Variants in FLNC observed in about 807,000 individuals in gnomAD.
The protein encoded by FLNC is filamin C, also known as filamin-C.
A neutral mutation model predicts 254.3 loss-of-function variants in FLNC; 91 were observed. The observed-to-expected ratio is 0.36, with a 90% CI of 0.30 to 0.43. FLNC has a LOEUF of 0.43. Among genes scored for constraint, FLNC ranks in the 20% least tolerant of loss-of-function variants. FLNC has a pLI of 1.00. For synonymous variants in FLNC, 1,430 were observed against 1,577.2 expected, an observed-to-expected ratio of 0.91 and a Z score of 2.21; for missense variants, 2,853 against 3,802.6, an observed-to-expected ratio of 0.75 and a Z score of 6.57.
rs1024416848 is a variant in FLNC at position 128,842,082 on chromosome 7, G to A, written c.2122-149G>A. 2 of 799,192 alleles carry A rather than the reference G, an allele frequency of 2.5e-6. No homozygotes were observed. Among genetic ancestry groups the A allele is most frequent in the Non-Finnish European group, 4.1e-6 (2 of 484,810 alleles). 49.5% of individuals were successfully genotyped at this position (799,192 alleles called of 1,614,324 possible). On this transcript the variant is annotated intron_variant, in intron 13 of 47. Transcript: ENST00000325888. This position sits in a 1 kb window ranked among gnomAD's most constrained non-coding sequence, Gnocchi z 5.4. ...TGGGCTCTGGCCGCCAGAGCACGTG[G>A]CCCTGGGCTCTGGTGGCCTCAGTGG...
chr7:128,854,755 A>G lies in FLNC; in HGVS notation c.6998-20A>G, dbSNP rs1808982618. The G allele has an allele frequency of 6.2e-7, 1 of 1,613,860 alleles. No homozygotes were observed. Among genetic ancestry groups the G allele is most frequent in the African/African-American group, 1.3e-5 (1 of 74,938 alleles). On this transcript the variant is annotated intron_variant, in intron 41 of 47. Coordinates refer to ENST00000325888, the MANE Select transcript of FLNC (RefSeq NM_001458.5). The stretch of plus-strand genomic sequence containing the variant: ...GTGAGGGGCGATGATGCTGAAGTCC[A>G]CTACCTTGCCTGTCCCCAGCCGAGT...
rs1807848996 is a variant in FLNC, at chr7:128,830,671, C to T, written c.34C>T (p.Leu12Phe). ...MNNSGYSDAG[L>F]GLGDETDEMP... ...CAACAGCGGCTACTCAGACGCCGGC[C>T]TCGGCCTGGGCGATGAGACAGACGA... Residue 12 changes from leucine to phenylalanine, a missense_variant, in exon 1 of 48, where the codon CTC becomes TTC. This residue lies in a region of FLNC where 37 missense variants were observed against 32.7 expected (regional missense o/e 1.13). Coordinates refer to ENST00000325888, the MANE Select transcript of FLNC (RefSeq NM_001458.5). The T allele has an allele frequency of 6.2e-7, 1 of 1,612,676 alleles. No individual in the cohort carries two copies. Among genetic ancestry groups the T allele is most frequent in the Non-Finnish European group, 8.5e-7 (1 of 1,179,940 alleles).
chr7:128,842,412 G>C lies in FLNC; in HGVS notation c.2265+38G>C, dbSNP rs769388242. ...GGCCTGCCCCGTGCCCACCACCAGG[G>C]GTCCCTGAGGGAGGGCGGAACCCTC... On this transcript the variant is annotated intron_variant, in intron 14 of 47. Transcript: ENST00000325888. The surrounding 1 kb of genome is among the most constrained non-coding windows in gnomAD (Gnocchi z 5.4). 3 of 1,612,844 alleles carry C rather than the reference G, an allele frequency of 1.9e-6. No individual in the cohort carries two copies. The highest frequency in any genetic ancestry group is 1.7e-6 in the Non-Finnish European group (2 of 1,179,832).
chr7:128,854,661 C>T lies in FLNC; in HGVS notation c.6976C>T (p.Arg2326Ter), dbSNP rs748416758. 3 of 1,612,366 alleles carry T rather than the reference C, an allele frequency of 1.9e-6. No homozygotes were observed. The highest frequency in any genetic ancestry group is 1.3e-5 in the African/African-American group (1 of 75,018). ...KVRAGGTGLE[R>*]GVAGVPAEFS... ...GCGGGCCGGAGGCACAGGGCTGGAG[C>T]GAGGTGTGGCCGGCGTGCCAGGTAA... is the stretch of plus-strand genomic sequence containing the variant. The change falls in exon 41 of 48, where the codon CGA becomes TGA. Residue 2326 changes from arginine (R) to a stop codon, truncating the protein, a stop_gained. Coordinates refer to ENST00000325888, the MANE Select transcript of FLNC (RefSeq NM_001458.5). LOFTEE classifies it high-confidence loss of function.
At position 128,838,398 on chromosome 7, in the gene FLNC, C is replaced by T. The variant is rs547934558; in HGVS notation, c.1179C>T (p.Asn393=). The T allele has an allele frequency of 1.2e-6, 2 of 1,612,194 alleles. No homozygotes were observed. Among genetic ancestry groups the T allele is most frequent in the Middle Eastern group, 1.7e-4 (1 of 6,058 alleles). ...PGLEPVGNVA[N]KPTYFDIYTA... is the part of the protein sequence containing the mutation. ...TGGAACCTGTGGGCAATGTGGCCAA[C>T]AAACCCACCTACTTTGACATCTACA... The change falls in exon 7 of 48, where the codon AAC becomes AAT. Residue 393 remains asparagine, a synonymous_variant. Coordinates refer to ENST00000325888, the MANE Select transcript of FLNC (RefSeq NM_001458.5).
chr7:128,832,178 A>T (rs1807918547), intron 1 of FLNC, among the ~76,000 whole-genome samples: 1 of 152,098 alleles, frequency 6.6e-6, no homozygotes, highest in East Asian at 1.9e-4. Context: ...TGCCCCGTCC[A>T]GTCCCCTCCC....
At chr7:128,840,734 G>A (rs1297314541) in intron 10 of FLNC, 60 bp downstream of exon 10, 3 of 1,613,860 alleles carry the variant, frequency 1.9e-6, no homozygotes, top group African/African-American at 2.7e-5. Flanking sequence ...GGGACGAGGG[G>A]CACTGGGCTG....
At chr7:128,840,715 T>TCACAGGGA in intron 10 of FLNC, 41 bp downstream of exon 10, 1 of 1,611,684 alleles carries the variant, frequency 6.2e-7, no homozygotes, top group African/African-American at 1.3e-5. Context: ...GTCTAGGCCA[T>TCACAGGGA]CACAGGGAGG....
At position 128,840,504 on chromosome 7, in the gene FLNC, G is replaced by C. The variant is rs1321835165; in HGVS notation, c.1550-44G>C. The stretch of plus-strand genomic sequence containing the variant: ...GGGATTGAGGAGCTGGGACTTCAAG[G>C]ATATTGATCTGCCTTCTTCCCCACC... On this transcript the variant is annotated intron_variant, in intron 9 of 47. Transcript: ENST00000325888. The C allele has an allele frequency of 2.5e-6, 4 of 1,613,780 alleles. No homozygotes were observed. The East Asian group carries it at 8.9e-5, about 36-fold the overall frequency.
intron 1 of FLNC, 110 bp downstream of exon 1, chr7:128,831,099 C>T (rs1807871768): frequency 3.0e-6 from 3 of 1,003,606 alleles, no homozygotes; most frequent in Admixed American, 4.6e-5. Context: ...GGGCGGAGGG[C>T]ACCCCCCGGT....
In FLNC at chr7:128,842,339, TG is replaced by T. The variant is rs1374893890; in HGVS notation, c.2234del (p.Gly745GlufsTer3). 6.2e-7 allele frequency: 1 copy of T among 1,613,674 alleles called. No individual in the cohort carries two copies. The highest frequency in any genetic ancestry group is 1.7e-5 in the Admixed American group (1 of 60,022). ...CATTAAGCACACCATCATCATCTCC[TG>T]GGGAGGCGTAAACGTGCCCAAGAGC... ...KPIKHTIIIS[W>X]GGVNVPKSPF... On this transcript the variant is annotated frameshift_variant, in exon 14 of 48. Transcript: ENST00000325888. LOFTEE classifies it high-confidence loss of function. This position sits in a 1 kb window ranked among gnomAD's most constrained non-coding sequence, Gnocchi z 5.4.
At chr7:128,850,588 G>A in intron 32 of FLNC, 105 bp downstream of exon 32, 1 of 1,205,980 alleles carries the variant, frequency 8.3e-7, no homozygotes, top group Non-Finnish European at 1.2e-6. Context: ...GAGAGGAAGT[G>A]AGCTCTACCC....
chr7:128,835,292 G>A lies in FLNC; in HGVS notation c.353-34G>A, dbSNP rs761840763. ...GCTCTGGGGCAGTGGAGGGTGGGGC[G>A]CCCCTGAGCCCGTCTGTGCCCTCCC... On this transcript the variant is annotated intron_variant, in intron 1 of 47. Coordinates refer to ENST00000325888, the MANE Select transcript of FLNC (RefSeq NM_001458.5). This position sits in a 1 kb window ranked among gnomAD's most constrained non-coding sequence, Gnocchi z 5.3. 1.2e-5 allele frequency: 20 copies of A among 1,611,464 alleles called. No individual in the cohort carries two copies. The highest frequency in any genetic ancestry group is 8.9e-5 in the East Asian group (4 of 44,886).
Position 128,852,753 on chromosome 7 carries a change from G to A in FLNC, c.6004+1G>A. 1 of 1,613,218 alleles carries A rather than the reference G, an allele frequency of 6.2e-7. No homozygotes were observed. Among genetic ancestry groups the A allele is most frequent in the East Asian group, 2.2e-5 (1 of 44,874 alleles). On this transcript the variant is annotated splice_donor_variant, in intron 36 of 47. Transcript: ENST00000325888. LOFTEE classifies it high-confidence loss of function. ...AAGCGCCTGCCCAACCGGCACATTGGTGAGCGTGGGGCCTCACGGGGACCT... is the reference window on the plus strand; with the variant it reads ...AAGCGCCTGCCCAACCGGCACATTGATGAGCGTGGGGCCTCACGGGGACCT...
At chr7:128,834,122 G>C (rs926034676) in intron 1 of FLNC, among the ~76,000 whole-genome samples, 7 of 152,160 alleles carry the variant, frequency 4.6e-5, no homozygotes, top group South Asian at 2.1e-4. Flanking sequence ...CCCATCTCTC[G>C]GGCAACATCA....
Position 128,838,631 on chromosome 7 carries a change from G to A in FLNC, c.1239G>A (p.Val413=), listed in dbSNP as rs774716505. 2.5e-6 allele frequency: 4 copies of A among 1,612,966 alleles called. No homozygotes were observed. The African/African-American group carries it at 4.0e-5, about 16-fold the overall frequency. Residue 413 remains valine (V), a synonymous_variant, in exon 8 of 48, where the codon GTG becomes GTA. Transcript: ENST00000325888. The part of the protein sequence containing the change: ...AGAGTGDVAV[V]IVDPQGRRDT... Reference sequence around the variant, plus strand: ...CCGGCACTGGCGATGTTGCTGTGGTGATCGTGGACCCACAGGGCCGGCGGG... The same window carrying A: ...CCGGCACTGGCGATGTTGCTGTGGTAATCGTGGACCCACAGGGCCGGCGGG...
intron 24 of FLNC, among the ~76,000 whole-genome samples, chr7:128,847,383 A>G (rs1377026815): frequency 6.6e-6 from 1 of 152,178 alleles, no homozygotes; most frequent in African/African-American, 2.4e-5. Flanking sequence ...CCATCTTTTT[A>G]TTATTTCAGC....
At chr7:128,853,415 T>C (rs563727340) in intron 37 of FLNC, 54 bp from the exon 38 acceptor site, 43 of 1,606,458 alleles carry the variant, frequency 2.7e-5, no homozygotes, top group South Asian at 2.3e-4. Context: ...GAGGAAAGCA[T>C]TGTGGCTTGG....
Position 128,855,508 on chromosome 7 carries a change from G to T in FLNC, c.7251+194G>T, listed in dbSNP as rs3778759. 0.08 allele frequency among the ~76,000 whole-genome samples: 12,227 copies of T among 152,296 alleles called. 815 individuals carry two copies. Among genetic ancestry groups the T allele is most frequent in the East Asian group, 0.31 (1,611 of 5,174 alleles). ...CCCTGGGGGCTTGCCCGTGCACTCA[G>T]GCATGCCACGCCTCGTTCTGCCTTT... On this transcript the variant is annotated intron_variant, in intron 43 of 47. Transcript: ENST00000325888.
Sources: gnomAD v4.1 joint callset for allele counts (sites outside exome capture counted in the v4.1 genomes callset) on GRCh38, gnomAD v4.1.1 for gene constraint, gnomAD v4.1.1 regional missense constraint, Gnocchi (gnomAD v3.1) non-coding constraint, MANE v1.5 for transcripts, NCBI Gene and HGNC (gene_info 2026-07-23, HGNC 2026-07-21) for gene names.